Variants in PKIB observed in about 807,000 individuals in gnomAD.
PKIB encodes the protein cAMP-dependent protein kinase inhibitor beta, also known as PKI-beta.
In PKIB, 2 loss-of-function variants were observed where a neutral mutation model predicts 4.5. That is an observed-to-expected ratio of 0.44 (90% CI 0.18 to 1.39). The LOEUF is 1.39. Among genes scored for constraint, PKIB ranks in the 40% most tolerant of loss-of-function variants. The pLI, the probability that PKIB is intolerant of heterozygous loss-of-function variation, is 0.27. For synonymous variants in PKIB, 38 were observed against 36.0 expected, an observed-to-expected ratio of 1.06 and a Z score of -0.20; for missense variants, 94 against 92.6, an observed-to-expected ratio of 1.02 and a Z score of -0.06.
intron 2 of PKIB, among the ~76,000 whole-genome samples, chr6:122,502,649 A>G (rs1471917881): frequency 6.6e-6 from 1 of 152,112 alleles, no homozygotes; most frequent in East Asian, 1.9e-4. Flanking sequence ...GCCCTTCCTC[A>G]ACCTGTGGGG....
intron 1 of PKIB, among the ~76,000 whole-genome samples, chr6:122,619,936 C>T (rs1232569517): frequency 1.3e-5 from 2 of 152,080 alleles, no homozygotes; most frequent in African/African-American, 4.8e-5. Context: ...TAACTTCCAC[C>T]TTTTCCCTTA....
rs35270462 is a variant in PKIB at position 122,592,019 on chromosome 6, C to CT, written c.-161+6024dup. On this transcript the variant is annotated intron_variant, in intron 3 of 6. Transcript: ENST00000392491. ...TAACTTGCTATGTAGTCTCTTTTCC[C>CT]TTTTTTTTTTTTAACCTTAGTTTCC... is the stretch of plus-strand genomic sequence containing the variant. Among the ~76,000 whole-genome samples, 250 of 143,064 alleles carry CT rather than the reference C, an allele frequency of 1.7e-3. 1 individual carries two copies. The highest frequency in any genetic ancestry group is 1.3e-3 in the South Asian group (6 of 4,474). The allele number at this position is 143,064 out of a possible 152,430, so 93.9% of individuals were successfully genotyped here.
intron 2 of PKIB, among the ~76,000 whole-genome samples, chr6:122,578,465 A>G (rs1020256515): frequency 6.6e-6 from 1 of 152,114 alleles, no homozygotes; most frequent in African/African-American, 2.4e-5. Context: ...GACTTAATCT[A>G]TTGTGATGAA....
chr6:122,558,708 C>T (rs1772921629), intron 2 of PKIB, among the ~76,000 whole-genome samples: 1 of 151,772 alleles, frequency 6.6e-6, no homozygotes, highest in Non-Finnish European at 1.5e-5. Context: ...GCCACAGTCA[C>T]CTCCTCTCTA....
chr6:122,716,293 C>T (rs1434334552), intron 3 of PKIB, among the ~76,000 whole-genome samples: 1 of 152,132 alleles, frequency 6.6e-6, no homozygotes, highest in East Asian at 1.9e-4. Context: ...AGGGGAGGAA[C>T]TGTGACTCAG....
chr6:122,554,719 C>T (rs1435757243), intron 2 of PKIB, among the ~76,000 whole-genome samples: 2 of 152,132 alleles, frequency 1.3e-5, no homozygotes, highest in African/African-American at 2.4e-5. Context: ...AAGAGATCCA[C>T]ATTTTAATAA....
At chr6:122,564,239 G>A (rs564362338) in intron 2 of PKIB, among the ~76,000 whole-genome samples, 1 of 152,224 alleles carries the variant, frequency 6.6e-6, no homozygotes, top group South Asian at 2.1e-4. Context: ...GAGGATCTGT[G>A]GGTCCTCTCG....
At chr6:122,716,230 T>G (rs1332244662) in intron 3 of PKIB, among the ~76,000 whole-genome samples, 1 of 152,198 alleles carries the variant, frequency 6.6e-6, no homozygotes, top group Non-Finnish European at 1.5e-5. Flanking sequence ...TATCTCATTA[T>G]TGCTTCACCA....
chr6:122,573,551 AAAAG>A (rs1230708749), intron 2 of PKIB, among the ~76,000 whole-genome samples: 1 of 151,926 alleles, frequency 6.6e-6, no homozygotes, highest in Non-Finnish European at 1.5e-5. Context: ...AAAGAAAAAA[AAAAG>A]AAGAAAAAAG....
chr6:122,543,594 G>A (rs1290069962), intron 2 of PKIB, among the ~76,000 whole-genome samples: 1 of 151,812 alleles, frequency 6.6e-6, no homozygotes, highest in Non-Finnish European at 1.5e-5. Flanking sequence ...TGGCCAGACT[G>A]GTCTTGAGCT....
At chr6:122,662,262 CCTAAACCAAGGTCTCTTT>C (rs1421425460) in intron 2 of PKIB, among the ~76,000 whole-genome samples, 28 of 140,762 alleles carry the variant, frequency 2.0e-4, no homozygotes, top group Non-Finnish European at 3.6e-4. Flanking sequence ...GAAATGATTG[CCTAAACCAAGGTCTCTTT>C]CTCTCTCCTT....
intron 2 of PKIB, among the ~76,000 whole-genome samples, chr6:122,555,091 C>A (rs971017961): frequency 6.6e-5 from 10 of 152,146 alleles, no homozygotes; most frequent in African/African-American, 2.4e-4. Flanking sequence ...AGAGAAATAA[C>A]AACCTCTGTG....
intron 4 of PKIB, among the ~76,000 whole-genome samples, chr6:122,718,635 T>C (rs533153905): frequency 1.3e-5 from 2 of 152,326 alleles, no homozygotes; most frequent in Non-Finnish European, 2.9e-5. Flanking sequence ...ACTCACGTTT[T>C]GTGCCCCATT....
chr6:122,611,544 T>C (rs914109053), intron 1 of PKIB, among the ~76,000 whole-genome samples: 41 of 152,204 alleles, frequency 2.7e-4, no homozygotes, highest in Non-Finnish European at 4.4e-4. Flanking sequence ...AAAAACTCTT[T>C]TATCAGTGGT....
chr6:122,675,742 C>T (rs1777646148), intron 3 of PKIB, among the ~76,000 whole-genome samples: 1 of 151,758 alleles, frequency 6.6e-6, no homozygotes. Context: ...AAGACAAGCA[C>T]ACATTTTCAC....
intron 3 of PKIB, among the ~76,000 whole-genome samples, chr6:122,696,342 G>A (rs574708101): frequency 4.6e-5 from 7 of 152,296 alleles, no homozygotes; most frequent in African/African-American, 1.7e-4. Context: ...AATTCAGGAT[G>A]TAATGAGACC....
At chr6:122,547,874 T>C (rs1479455638) in intron 2 of PKIB, among the ~76,000 whole-genome samples, 1 of 132,192 alleles carries the variant, frequency 7.6e-6, no homozygotes, top group East Asian at 2.3e-4. Flanking sequence ...AGTGGAGTTA[T>C]GCGTCTGTGC....
At chr6:122,522,159 CAT>C (rs1776965586) in intron 2 of PKIB, among the ~76,000 whole-genome samples, 1 of 149,260 alleles carries the variant, frequency 6.7e-6, no homozygotes, top group Non-Finnish European at 1.5e-5. Context: ...AAAAAAAAAA[CAT>C]AAAGCGAGAA....
At chr6:122,625,653 A>ATAAT (rs891626256) in intron 1 of PKIB, among the ~76,000 whole-genome samples, 7 of 151,796 alleles carry the variant, frequency 4.6e-5, no homozygotes, top group South Asian at 2.1e-4. Flanking sequence ...AATAATAATA[A>ATAAT]TAATTAATTA....
Sources: gnomAD v4.1 joint callset for allele counts (sites outside exome capture counted in the v4.1 genomes callset) on GRCh38, gnomAD v4.1.1 for gene constraint, MANE v1.5 for transcripts, NCBI Gene and HGNC (gene_info 2026-07-23, HGNC 2026-07-21) for gene names.